BMPR2: variants seen among roughly 807,000 people sequenced by gnomAD.
BMPR2 encodes bone morphogenetic protein receptor type-2.
In BMPR2, 29 loss-of-function variants were observed where a neutral mutation model predicts 100.8. The observed-to-expected ratio is 0.29, with a 90% CI of 0.21 to 0.39. The LOEUF is 0.39. Ranked by LOEUF, BMPR2 falls within the 10% of genes least tolerant of loss-of-function variation. The pLI is 1.00. For synonymous variants in BMPR2, 382 were observed against 442.3 expected (o/e 0.86, Z 1.71); for missense variants, 1,011 against 1,274.5 (o/e 0.79, Z 3.15).
At chr2:202,528,884 T>C (rs1268120626) in intron 7 of BMPR2, among the ~76,000 whole-genome samples, 1 of 152,228 alleles carries the variant, frequency 6.6e-6, no homozygotes, top group Non-Finnish European at 1.5e-5. Context: ...TTCACTGAAT[T>C]CTATCCTTCC....
At chr2:202,555,200 A>G (rs1172771825) in intron 11 of BMPR2, 52 bp from the exon 12 acceptor site, 12 of 1,502,752 alleles carry the variant, frequency 8.0e-6, no homozygotes, top group Admixed American at 3.4e-5. Flanking sequence ...TTGGAGAGAC[A>G]GTTTGTCATA....
At chr2:202,460,150 C>T (rs547433458) in intron 1 of BMPR2, among the ~76,000 whole-genome samples, 75 of 152,306 alleles carry the variant, frequency 4.9e-4, no homozygotes, top group Non-Finnish European at 8.5e-4. Context: ...AACACTTATA[C>T]ACTGTTGGTG....
chr2:202,469,791 A>G (rs1692398426), intron 3 of BMPR2, among the ~76,000 whole-genome samples: 2 of 151,994 alleles, frequency 1.3e-5, no homozygotes, highest in African/African-American at 4.8e-5. Flanking sequence ...CCCCAATTGT[A>G]TTTCATATTA....
intron 1 of BMPR2, among the ~76,000 whole-genome samples, chr2:202,402,560 C>G (rs899899051): frequency 1.3e-5 from 2 of 151,888 alleles, no homozygotes; most frequent in Non-Finnish European, 2.9e-5. Context: ...TTAATTTAAG[C>G]CTTGAATGCT....
At chr2:202,480,464 G>T (rs1692637048) in intron 3 of BMPR2, among the ~76,000 whole-genome samples, 1 of 152,056 alleles carries the variant, frequency 6.6e-6, no homozygotes, top group Non-Finnish European at 1.5e-5. Context: ...ACAAAGGTTT[G>T]CTGTTGTGTT....
intron 12 of BMPR2, 108 bp from the exon 13 acceptor site, chr2:202,559,588 A>G: frequency 5.7e-6 from 7 of 1,224,908 alleles, no homozygotes; most frequent in Admixed American, 2.0e-5. Flanking sequence ...AGAAATGTTC[A>G]TTAGCACCCT....
intron 7 of BMPR2, among the ~76,000 whole-genome samples, chr2:202,530,579 TTTAG>T (rs1688003126): frequency 6.6e-6 from 1 of 152,198 alleles, no homozygotes; most frequent in Non-Finnish European, 1.5e-5. Flanking sequence ...GTTTGTTAGT[TTTAG>T]TTAATGTTTA....
intron 10 of BMPR2, among the ~76,000 whole-genome samples, chr2:202,546,973 G>A (rs1372050783): frequency 6.6e-6 from 1 of 151,760 alleles, no homozygotes; most frequent in African/African-American, 2.4e-5. Context: ...CAGGGTAGTT[G>A]CCAAGACTAG....
chr2:202,549,025 T>C (rs1688424556), intron 10 of BMPR2, among the ~76,000 whole-genome samples: 1 of 152,150 alleles, frequency 6.6e-6, no homozygotes, highest in Admixed American at 6.5e-5. Context: ...CCTTTTGTAA[T>C]CTCTCCTCAA....
intron 7 of BMPR2, among the ~76,000 whole-genome samples, chr2:202,521,386 G>A (rs1157277581): frequency 6.6e-6 from 1 of 152,112 alleles, no homozygotes; most frequent in East Asian, 1.9e-4. Context: ...GGGTAACATG[G>A]TGAAACCCTG....
chr2:202,475,827 T>C (rs1692535831), intron 3 of BMPR2, among the ~76,000 whole-genome samples: 1 of 152,054 alleles, frequency 6.6e-6, no homozygotes, highest in Non-Finnish European at 1.5e-5. Flanking sequence ...TCCCAGCCCT[T>C]TGGGAGGCCA....
chr2:202,520,288 A>C (rs1687798455), intron 7 of BMPR2, 87 bp downstream of exon 7: 3 of 870,954 alleles, frequency 3.4e-6, no homozygotes, highest in Non-Finnish European at 3.8e-6. Flanking sequence ...AAGTAAAAGT[A>C]TAATTTATAT....
At chr2:202,486,581 G>A (rs1458300518) in intron 3 of BMPR2, among the ~76,000 whole-genome samples, 7 of 148,252 alleles carry the variant, frequency 4.7e-5, no homozygotes, top group Admixed American at 6.8e-5. Context: ...GCAGTGAGCC[G>A]AGATCGCATC....
Position 202,495,580 on chromosome 2 carries a change from G to A in BMPR2, c.419-18139G>A, listed in dbSNP as rs1693008597. ...GGCGGGTCCGGGTGGTCTTGGAAAT[G>A]CAACATTTGGACGGGAAAGCAGGAG... On this transcript the variant is annotated intron_variant, in intron 3 of 12. Coordinates refer to ENST00000374580, the MANE Select transcript of BMPR2 (RefSeq NM_001204.7). This position sits in a 1 kb window ranked among gnomAD's most constrained non-coding sequence, Gnocchi z 4.5. 6.6e-6 allele frequency among the ~76,000 whole-genome samples: 1 copy of A among 152,050 alleles called. No homozygotes were observed. The highest frequency in any genetic ancestry group is 2.4e-5 in the African/African-American group (1 of 41,404).
intron 10 of BMPR2, among the ~76,000 whole-genome samples, chr2:202,542,806 A>G (rs901662320): frequency 5.9e-5 from 9 of 152,210 alleles, no homozygotes; most frequent in South Asian, 2.1e-4. Flanking sequence ...GCAGGCTTAC[A>G]TAACCAATGG....
chr2:202,501,279 G>T lies in BMPR2; in HGVS notation c.419-12440G>T, dbSNP rs566501740. ...TTAAAACATTTGAGGGGGTTCCTTG[G>T]AATTACCGGCTTTTGCCGACTATGG... On this transcript the variant is annotated intron_variant, in intron 3 of 12. Coordinates refer to ENST00000374580, the MANE Select transcript of BMPR2 (RefSeq NM_001204.7). Among the ~76,000 whole-genome samples the T allele has an allele frequency of 8.9e-4, 135 of 152,306 alleles. 1 individual carries two copies. Among genetic ancestry groups the T allele is most frequent in the African/African-American group, 3.1e-3 (127 of 41,560 alleles).
chr2:202,443,016 A>G (rs774548516), intron 1 of BMPR2, among the ~76,000 whole-genome samples: 6 of 150,618 alleles, frequency 4.0e-5, no homozygotes, highest in Non-Finnish European at 8.8e-5. Context: ...TAAAGGTTAA[A>G]TAAGATAAGG....
chr2:202,432,986 T>A (rs1691537792), intron 1 of BMPR2, among the ~76,000 whole-genome samples: 1 of 150,554 alleles, frequency 6.6e-6, no homozygotes, highest in Non-Finnish European at 1.5e-5. Flanking sequence ...TAAGGTGGTA[T>A]CTAGTAAGGA....
chr2:202,502,956 C>T (rs1018530940), intron 3 of BMPR2, among the ~76,000 whole-genome samples: 1 of 152,188 alleles, frequency 6.6e-6, no homozygotes, highest in Non-Finnish European at 1.5e-5. Context: ...AAATTCGTTT[C>T]CTCTAGAATC....
Sources: gnomAD v4.1 joint callset for allele counts (sites outside exome capture counted in the v4.1 genomes callset) on GRCh38, gnomAD v4.1.1 for gene constraint, Gnocchi (gnomAD v3.1) non-coding constraint, MANE v1.5 for transcripts, NCBI Gene and HGNC (gene_info 2026-07-23, HGNC 2026-07-21) for gene names.